The following LUC7L variants were observed in gnomAD, a reference collection of about 807,000 sequenced individuals.
LUC7L encodes the protein LUC7 like.
In LUC7L, 29 loss-of-function variants were observed where a neutral mutation model predicts 51.1. That is an observed-to-expected ratio of 0.57 (90% CI 0.42 to 0.77). The LOEUF is 0.77. Ranked by LOEUF, LUC7L falls within the 30% of genes least tolerant of loss-of-function variation. LUC7L has a pLI of 0.00. For synonymous variants in LUC7L, 181 were observed against 180.7 expected, an observed-to-expected ratio of 1.00 and a Z score of -0.01; for missense variants, 403 against 511.9, an observed-to-expected ratio of 0.79 and a Z score of 2.05.
chr16:202,272 G>C (rs942084440), intron 5 of LUC7L, among the ~76,000 whole-genome samples: 9 of 151,976 alleles, frequency 5.9e-5, no homozygotes, highest in African/African-American at 2.2e-4. Flanking sequence ...AAGGACCTAG[G>C]CTCCTTTAAA....
At chr16:216,988 A>G (rs1011769385) in intron 3 of LUC7L, among the ~76,000 whole-genome samples, 1 of 151,912 alleles carries the variant, frequency 6.6e-6, no homozygotes, top group African/African-American at 2.4e-5. Flanking sequence ...GAGCCACCAC[A>G]TGCCTGGCCA....
chr16:227,245 C>T lies in LUC7L; in HGVS notation c.153G>A (p.Gly51=). 2 of 1,612,616 alleles carry T rather than the reference C, an allele frequency of 1.2e-6. No homozygotes were observed. Among genetic ancestry groups the T allele is most frequent in the Non-Finnish European group, 1.7e-6 (2 of 1,179,220 alleles). The part of the protein sequence containing the change: ...LDCCPHDILA[G]TRMDLGECTK... ...AGGTCCCCCAAAATGCACCTACCGTCCCAGCCAGGATGTCATGGGGGCAGC... is the reference window on the plus strand; with the variant it reads ...AGGTCCCCCAAAATGCACCTACCGTTCCAGCCAGGATGTCATGGGGGCAGC... Residue 51 remains glycine, a synonymous_variant, in exon 2 of 10, where the codon GGG becomes GGA. Coordinates refer to ENST00000293872, the MANE Select transcript of LUC7L (RefSeq NM_201412.3).
rs117257400 is a variant in LUC7L at position 190,670 on chromosome 16, A to G, written c.777-100T>C. The G allele has an allele frequency of 5.7e-4, 604 of 1,066,314 alleles. 5 individuals carry two copies. The East Asian group carries it at 0.014, about 25-fold the overall frequency. 66.1% of individuals were successfully genotyped at this position (1,066,314 alleles called of 1,614,324 possible). A position where few individuals can be genotyped will look rare whatever the true frequency, so the allele number is the denominator to read the frequency against. On this transcript the variant is annotated intron_variant, in intron 7 of 9. Transcript: ENST00000293872. ...CCTAGGCAGGCAATCACCTGAGGTCACGAGCTGGAGACCAGCCTGGACAAC... is the reference window on the plus strand; with the variant it reads ...CCTAGGCAGGCAATCACCTGAGGTCGCGAGCTGGAGACCAGCCTGGACAAC...
In LUC7L at chr16:229,267, GCT is replaced by G; in HGVS notation, c.61+10_61+11del. 2 of 1,533,812 alleles carry G rather than the reference GCT, an allele frequency of 1.3e-6. No individual in the cohort carries two copies. Among genetic ancestry groups the G allele is most frequent in the Non-Finnish European group, 1.7e-6 (2 of 1,147,332 alleles). On this transcript the variant is annotated intron_variant, in intron 1 of 9. Coordinates refer to ENST00000293872, the MANE Select transcript of LUC7L (RefSeq NM_201412.3). ...ACCCCAGACCCTCGCCTGGTTGGCC[GCT>G]CTGACTCACCGTCCCGAGCCGTGCC... is the stretch of plus-strand genomic sequence containing the variant.
intron 2 of LUC7L, among the ~76,000 whole-genome samples, chr16:224,030 C>T (rs2050053285): frequency 6.6e-6 from 1 of 152,016 alleles, no homozygotes; most frequent in Non-Finnish European, 1.5e-5. Flanking sequence ...ATAGTTTCCA[C>T]AAACTAAGCA....
chr16:199,281 C>T, intron 5 of LUC7L, 43 bp from the exon 6 acceptor site: 1 of 1,263,736 alleles, frequency 7.9e-7, no homozygotes, highest in Non-Finnish European at 1.1e-6. Flanking sequence ...GTATATAGAA[C>T]TGCCACCACA....
chr16:196,408 A>T (rs1250185985), intron 6 of LUC7L, among the ~76,000 whole-genome samples: 1 of 149,536 alleles, frequency 6.7e-6, no homozygotes, highest in Non-Finnish European at 1.5e-5. Flanking sequence ...ACCCTGCCTC[A>T]AACAAACAAA....
At chr16:207,577 G>A (rs1488927890) in intron 4 of LUC7L, among the ~76,000 whole-genome samples, 1 of 152,160 alleles carries the variant, frequency 6.6e-6, no homozygotes, top group African/African-American at 2.4e-5. Context: ...CGAAAATGGA[G>A]AGAATAAAAA....
In LUC7L at chr16:193,030, CA is replaced by C. The variant is rs777523720; in HGVS notation, c.688-16del. On this transcript the variant is annotated splice_polypyrimidine_tract_variant and intron_variant, in intron 6 of 9. Transcript: ENST00000293872. ...GCGACAGTTTTCTAAATAAATGAAA[CA>C]AAAAATGAGGAAGAGCAAGTTACAC... 24 of 1,606,406 alleles carry C rather than the reference CA, an allele frequency of 1.5e-5. No homozygotes were observed. Among genetic ancestry groups the C allele is most frequent in the Non-Finnish European group, 2.0e-5 (23 of 1,176,008 alleles).
At chr16:229,167 G>C (rs2050209005) in intron 1 of LUC7L, 112 bp downstream of exon 1, 1 of 1,456,728 alleles carries the variant, frequency 6.9e-7, no homozygotes, top group Non-Finnish European at 9.0e-7. Flanking sequence ...GAGGAGGAGC[G>C]ATGCCCCGCG....
intron 1 of LUC7L, 49 bp downstream of exon 1, chr16:229,230 C>T: frequency 1.3e-6 from 2 of 1,513,362 alleles, no homozygotes; most frequent in Non-Finnish European, 1.8e-6. Flanking sequence ...CCGGCGGCCT[C>T]GCCTCACTCC....
chr16:218,293 C>A (rs994911314), intron 3 of LUC7L, among the ~76,000 whole-genome samples: 1 of 152,198 alleles, frequency 6.6e-6, no homozygotes, highest in African/African-American at 2.4e-5. Flanking sequence ...CACTGGCTCC[C>A]TCATCCCATG....
Position 190,578 on chromosome 16 carries a change from G to C in LUC7L, c.777-8C>G. ...CTGGTTCTTGATCCCGACCTAAAAG[G>C]GGGAAAAAAAGATGAACAAGGCCAG... On this transcript the variant is annotated splice_region_variant and splice_polypyrimidine_tract_variant and intron_variant, in intron 7 of 9. Coordinates refer to ENST00000293872, the MANE Select transcript of LUC7L (RefSeq NM_201412.3). 6.2e-7 allele frequency: 1 copy of C among 1,612,880 alleles called. No homozygotes were observed. The highest frequency in any genetic ancestry group is 8.5e-7 in the Non-Finnish European group (1 of 1,179,904).
At chr16:202,115 A>G (rs1419183097) in intron 5 of LUC7L, among the ~76,000 whole-genome samples, 1 of 152,036 alleles carries the variant, frequency 6.6e-6, no homozygotes, top group Non-Finnish European at 1.5e-5. Flanking sequence ...CCTGGACTCA[A>G]GCAATCCTCC....
intron 1 of LUC7L, chr16:228,760 C>A: frequency 7.9e-7 from 1 of 1,273,168 alleles, no homozygotes; most frequent in Non-Finnish European, 1.0e-6. Flanking sequence ...GGGAAGGGGG[C>A]AGCTGGAAAA....
chr16:191,713 C>T (rs1287263991), intron 7 of LUC7L, among the ~76,000 whole-genome samples: 1 of 152,150 alleles, frequency 6.6e-6, no homozygotes, highest in Non-Finnish European at 1.5e-5. Flanking sequence ...GGCGTGATGG[C>T]ACAGGCCTGT....
intron 3 of LUC7L, among the ~76,000 whole-genome samples, chr16:215,579 C>T (rs1020349493): frequency 4.7e-5 from 7 of 150,400 alleles, no homozygotes; most frequent in Non-Finnish European, 8.9e-5. Context: ...GAGATCATCG[C>T]GCCATTGCAC....
intron 5 of LUC7L, among the ~76,000 whole-genome samples, chr16:200,742 T>G (rs533553121): frequency 1.3e-5 from 2 of 152,118 alleles, no homozygotes; most frequent in African/African-American, 4.8e-5. Flanking sequence ...ATTAGCCCGC[T>G]GTGGTGGCAC....
chr16:189,690 C>A, intron 9 of LUC7L: 1 of 1,348,888 alleles, frequency 7.4e-7, no homozygotes, highest in Non-Finnish European at 9.5e-7. Flanking sequence ...CTGGTCAGGA[C>A]ACAAGTCTCA....
Sources: gnomAD v4.1 joint callset for allele counts (sites outside exome capture counted in the v4.1 genomes callset) on GRCh38, gnomAD v4.1.1 for gene constraint, MANE v1.5 for transcripts, NCBI Gene and HGNC (gene_info 2026-07-23, HGNC 2026-07-21) for gene names.